PLEKHH2: variants seen among roughly 807,000 people sequenced by gnomAD.
PLEKHH2 encodes the protein pleckstrin homology domain-containing family H member 2.
Under a neutral mutation model 187.9 loss-of-function variants are expected in PLEKHH2, and 129 were observed. That is an observed-to-expected ratio of 0.69 (90% CI 0.59 to 0.79). The LOEUF (loss-of-function observed/expected upper bound fraction) is 0.79, where lower values mean the gene tolerates loss of function less well. Ranked by LOEUF, PLEKHH2 falls within the 30% of genes least tolerant of loss-of-function variation. The probability of loss-of-function intolerance (pLI) is 0.00; values close to 1 mark genes in which losing one functional copy is unlikely to be tolerated. For missense variants in PLEKHH2, 2,076 were observed against 1,751.2 expected (o/e 1.19, Z -3.31); for synonymous variants, 686 against 605.6 (o/e 1.13, Z -1.95).
chr2:43,698,265 T>TC (rs397872484), intron 7 of PLEKHH2, among the ~76,000 whole-genome samples: 1 of 151,636 alleles, frequency 6.6e-6, no homozygotes, highest in African/African-American at 2.4e-5. Context: ...TTTTTTTTTT[T>TC]GAGACAGGAT....
intron 2 of PLEKHH2, chr2:43,675,825 A>T (rs200917733): frequency 1.0e-4 from 163 of 1,613,864 alleles, no homozygotes; most frequent in Non-Finnish European, 1.6e-5. Context: ...TGTGGCCCAG[A>T]TAGAAGGGCT....
chr2:43,696,690 A>C (rs1274833344), intron 6 of PLEKHH2, among the ~76,000 whole-genome samples: 1 of 152,086 alleles, frequency 6.6e-6, no homozygotes, highest in Non-Finnish European at 1.5e-5. Flanking sequence ...TAAGATAAGC[A>C]AAAGTCATTA....
intron 7 of PLEKHH2, 110 bp from the exon 8 acceptor site, chr2:43,699,537 C>A (rs1669250656): frequency 1.5e-6 from 2 of 1,361,170 alleles, no homozygotes; most frequent in African/African-American, 2.9e-5. Context: ...ACCACTGCAC[C>A]CAGCAAATTT....
chr2:43,669,319 G>A (rs1667385041), intron 2 of PLEKHH2, among the ~76,000 whole-genome samples: 1 of 152,192 alleles, frequency 6.6e-6, no homozygotes, highest in African/African-American at 2.4e-5. Context: ...AGCAATGGGG[G>A]AATGACTGCC....
intron 8 of PLEKHH2, among the ~76,000 whole-genome samples, chr2:43,702,515 C>T (rs572787766): frequency 8.0e-6 from 1 of 124,346 alleles, no homozygotes; most frequent in African/African-American, 3.3e-5. Context: ...TATTTGGCAA[C>T]CCATTCTACT....
At chr2:43,639,805 C>T (rs1395944153) in intron 1 of PLEKHH2, among the ~76,000 whole-genome samples, 1 of 152,140 alleles carries the variant, frequency 6.6e-6, no homozygotes, top group Non-Finnish European at 1.5e-5. Context: ...TATAGGCCTG[C>T]ACCACCATGC....
chr2:43,639,948 C>T (rs951125645), intron 1 of PLEKHH2, among the ~76,000 whole-genome samples: 8 of 152,062 alleles, frequency 5.3e-5, no homozygotes, highest in African/African-American at 1.9e-4. Flanking sequence ...TGAGCCACTG[C>T]ACCCAGCCAG....
At position 43,673,846 on chromosome 2, in the gene PLEKHH2, C is replaced by T. The variant is rs187354588; in HGVS notation, c.124-5017C>T. Among the ~76,000 whole-genome samples, 11 of 152,228 alleles carry T rather than the reference C, an allele frequency of 7.2e-5. No homozygotes were observed. The East Asian group carries it at 1.7e-3, about 24-fold the overall frequency. ...TAAGTTCAGTATTCTTTCCAGTTTT[C>T]CCTATATTCATATTTCAAGGATTAC... On this transcript the variant is annotated intron_variant, in intron 2 of 29. Coordinates refer to ENST00000282406, the MANE Select transcript of PLEKHH2 (RefSeq NM_172069.4).
At position 43,680,765 on chromosome 2, in the gene PLEKHH2, A is replaced by G. The variant is rs575506898; in HGVS notation, c.186+1840A>G. On this transcript the variant is annotated intron_variant, in intron 3 of 29. Transcript: ENST00000282406. ...GGACCTCTATATGTGGCAGCCGTAC[A>G]AAGTTTGTCATTCCAAGTTTCTCAT... 3.1e-5 allele frequency: 12 copies of G among 389,020 alleles called. No individual in the cohort carries two copies. The East Asian group carries it at 7.9e-4, about 26-fold the overall frequency. The allele number at this position is 389,020 out of a possible 1,614,324, so 24.1% of individuals were successfully genotyped here. A position where few individuals can be genotyped will look rare whatever the true frequency, so the allele number is the denominator to read the frequency against.
At chr2:43,757,967 A>G (rs907416946) in intron 26 of PLEKHH2, among the ~76,000 whole-genome samples, 4 of 152,198 alleles carry the variant, frequency 2.6e-5, no homozygotes, top group African/African-American at 4.8e-5. Context: ...TCTTCTTACA[A>G]AAGACTTTTT....
At chr2:43,702,074 A>C (rs1159312089) in intron 8 of PLEKHH2, among the ~76,000 whole-genome samples, 3 of 152,176 alleles carry the variant, frequency 2.0e-5, no homozygotes, top group Non-Finnish European at 4.4e-5. Context: ...ACCTGGTCTG[A>C]AATGATCTGT....
intron 27 of PLEKHH2, among the ~76,000 whole-genome samples, chr2:43,759,585 A>G (rs1392847983): frequency 6.6e-6 from 1 of 152,286 alleles, no homozygotes; most frequent in South Asian, 2.1e-4. Context: ...CAAGGGAAAA[A>G]TTATGCCTTT....
chr2:43,706,463 G>T, intron 10 of PLEKHH2, 47 bp downstream of exon 10: 1 of 1,312,670 alleles, frequency 7.6e-7, no homozygotes, highest in Non-Finnish European at 1.1e-6. Flanking sequence ...TCTTCATGAT[G>T]GATCAAGGAA....
In PLEKHH2 at chr2:43,678,995, G is replaced by A. The variant is rs575941820; in HGVS notation, c.186+70G>A. The A allele has an allele frequency of 2.0e-4, 219 of 1,071,032 alleles. 1 individual carries two copies. In the African/African-American group the frequency reaches 3.3e-3, roughly 16 times the overall value. The allele number at this position is 1,071,032 out of a possible 1,614,324, so 66.3% of individuals were successfully genotyped here. A position where few individuals can be genotyped will look rare whatever the true frequency, so the allele number is the denominator to read the frequency against. On this transcript the variant is annotated intron_variant, in intron 3 of 29. Transcript: ENST00000282406. Reference sequence around the variant, plus strand: ...ACATAAAGATTGTTTTGCTCATAATGGAAAGACAATTATCAGCCCACCTCT... The same window carrying A: ...ACATAAAGATTGTTTTGCTCATAATAGAAAGACAATTATCAGCCCACCTCT...
intron 2 of PLEKHH2, among the ~76,000 whole-genome samples, chr2:43,668,124 C>T (rs2015584): frequency 0.47 from 70,906 of 151,882 alleles, 17,099 homozygotes; most frequent in Non-Finnish European, 0.51. Flanking sequence ...CCTCTGCCAC[C>T]CGGGTTCAAG....
At chr2:43,763,737 A>C (rs1239366281) in intron 28 of PLEKHH2, among the ~76,000 whole-genome samples, 1 of 152,148 alleles carries the variant, frequency 6.6e-6, no homozygotes, top group African/African-American at 2.4e-5. Context: ...TTAGAAAAAA[A>C]TATTTGCTGC....
At chr2:43,682,206 T>C (rs971127971) in intron 3 of PLEKHH2, among the ~76,000 whole-genome samples, 29 of 152,222 alleles carry the variant, frequency 1.9e-4, no homozygotes, top group Non-Finnish European at 1.9e-4. Flanking sequence ...TACCAGTAAT[T>C]CTTCAGTATA....
intron 2 of PLEKHH2, among the ~76,000 whole-genome samples, chr2:43,648,603 C>T (rs986930700): frequency 3.3e-4 from 32 of 96,816 alleles, no homozygotes; most frequent in Admixed American, 1.8e-3. Context: ...GTGTGTGTGA[C>T]GGGGTCCCAC....
rs767164176 is a variant in PLEKHH2, at chr2:43,741,056, C to CTGT, written c.3221+14_3221+15insGTT. On this transcript the variant is annotated intron_variant, in intron 21 of 29. Transcript: ENST00000282406. ...ATGCAGATTCCAGGTGTGCAGAATA[C>CTGT]TAGCCAGCTGAACTGTTTATGTGGC... 1.9e-6 allele frequency: 3 copies of CTGT among 1,596,288 alleles called. No homozygotes were observed. Among genetic ancestry groups the CTGT allele is most frequent in the Non-Finnish European group, 2.6e-6 (3 of 1,164,390 alleles).
Sources: gnomAD v4.1 joint callset for allele counts (sites outside exome capture counted in the v4.1 genomes callset) on GRCh38, gnomAD v4.1.1 for gene constraint, MANE v1.5 for transcripts, NCBI Gene and HGNC (gene_info 2026-07-23, HGNC 2026-07-21) for gene names.